Variants in PLEKHH2 observed in about 807,000 individuals in gnomAD.
PLEKHH2 encodes pleckstrin homology domain-containing family H member 2.
Under a neutral mutation model 187.9 loss-of-function variants are expected in PLEKHH2, and 129 were observed. The ratio of observed to expected loss-of-function variants is 0.69; its 90% CI spans 0.59 to 0.79. The LOEUF is 0.79. Ranked by LOEUF, PLEKHH2 falls within the 30% of genes least tolerant of loss-of-function variation. The pLI is 0.00. For missense variants in PLEKHH2, 2,076 were observed against 1,751.2 expected, an observed-to-expected ratio of 1.19 and a Z score of -3.31; for synonymous variants, 686 against 605.6, an observed-to-expected ratio of 1.13 and a Z score of -1.95.
intron 15 of PLEKHH2, among the ~76,000 whole-genome samples, chr2:43,718,314 C>G (rs914967232): frequency 6.6e-6 from 1 of 151,970 alleles, no homozygotes; most frequent in South Asian, 2.1e-4. Flanking sequence ...CCGAGGCGGG[C>G]AGATCACAAG....
intron 2 of PLEKHH2, among the ~76,000 whole-genome samples, chr2:43,660,418 G>T: frequency 6.7e-6 from 1 of 148,462 alleles, no homozygotes; most frequent in African/African-American, 2.5e-5. Context: ...ATAGGTCTAT[G>T]GTAAACATAT....
At chr2:43,718,232 G>A (rs921117437) in intron 15 of PLEKHH2, among the ~76,000 whole-genome samples, 1 of 152,078 alleles carries the variant, frequency 6.6e-6, no homozygotes, top group African/African-American at 2.4e-5. Context: ...TTTTTAAAGA[G>A]TAAGTCAGAG....
chr2:43,676,536 C>A (rs1225852078), intron 2 of PLEKHH2, among the ~76,000 whole-genome samples: 1 of 151,844 alleles, frequency 6.6e-6, no homozygotes, highest in African/African-American at 2.4e-5. Flanking sequence ...GAGAGGTATA[C>A]CAGGAGTTCT....
intron 10 of PLEKHH2, among the ~76,000 whole-genome samples, chr2:43,707,153 G>C (rs1572593738): frequency 7.7e-6 from 1 of 130,654 alleles, no homozygotes; most frequent in Non-Finnish European, 1.5e-5. Flanking sequence ...CCGAGATCAT[G>C]TCATTGCACT....
chr2:43,691,858 G>T (rs546130802), intron 3 of PLEKHH2, among the ~76,000 whole-genome samples: 7 of 152,238 alleles, frequency 4.6e-5, no homozygotes, highest in South Asian at 2.1e-4. Flanking sequence ...AGATTTGGGG[G>T]TCTAGTTTAT....
intron 2 of PLEKHH2, chr2:43,675,604 CT>C (rs748949122): frequency 1.2e-6 from 2 of 1,613,610 alleles, no homozygotes; most frequent in Non-Finnish European, 1.7e-6. Flanking sequence ...AAATACATCT[CT>C]TCCTTCATAA....
Position 43,765,915 on chromosome 2 carries a change from T to A in PLEKHH2, c.*317T>A, listed in dbSNP as rs1672604953. The stretch of plus-strand genomic sequence containing the variant: ...TGGCTTTTCTTTTCTTTTCTTTTTT[T>A]CCCCTTTTTAATATTCTGGCAATCT... On this transcript the variant is annotated 3_prime_UTR_variant, in exon 30 of 30. Coordinates refer to ENST00000282406, the MANE Select transcript of PLEKHH2 (RefSeq NM_172069.4). 1 of 234,492 alleles carries A rather than the reference T, an allele frequency of 4.3e-6. No homozygotes were observed. Among genetic ancestry groups the A allele is most frequent in the Non-Finnish European group, 8.2e-6 (1 of 122,410 alleles). 14.5% of individuals were successfully genotyped at this position (234,492 alleles called of 1,614,324 possible). A position where few individuals can be genotyped will look rare whatever the true frequency, so the allele number is the denominator to read the frequency against.
In PLEKHH2 at chr2:43,728,097, G is replaced by A. The variant is rs1236813078; in HGVS notation, c.2722-1540G>A. On this transcript the variant is annotated intron_variant, in intron 17 of 29. Transcript: ENST00000282406. ...AATAGAAATTAGTGTAAATGCTTTG[G>A]AAAGTACTTTGAAAATATGTTTCAA... Among the ~76,000 whole-genome samples the A allele has an allele frequency of 3.9e-5, 6 of 152,168 alleles. No individual in the cohort carries two copies. In the East Asian group the frequency reaches 1.2e-3, roughly 29 times the overall value.
At chr2:43,754,633 T>A (rs2104617635) in intron 25 of PLEKHH2, among the ~76,000 whole-genome samples, 1 of 152,248 alleles carries the variant, frequency 6.6e-6, no homozygotes, top group Admixed American at 6.5e-5. Context: ...ACCCATAGTC[T>A]CAACCACACC....
At chr2:43,670,081 A>AT (rs1186335785) in intron 2 of PLEKHH2, among the ~76,000 whole-genome samples, 1 of 152,146 alleles carries the variant, frequency 6.6e-6, no homozygotes, top group African/African-American at 2.4e-5. Context: ...TTCAAGGCAT[A>AT]TTTTTCATCA....
intron 19 of PLEKHH2, among the ~76,000 whole-genome samples, chr2:43,731,944 G>C (rs1671060090): frequency 6.6e-6 from 1 of 152,142 alleles, no homozygotes; most frequent in Non-Finnish European, 1.5e-5. Context: ...CTCCTCTCTA[G>C]TGTTACTCTC....
chr2:43,653,591 A>AG (rs1206085781), intron 2 of PLEKHH2, among the ~76,000 whole-genome samples: 1 of 152,228 alleles, frequency 6.6e-6, no homozygotes, highest in Non-Finnish European at 1.5e-5. Flanking sequence ...AGGAAACAAG[A>AG]GATTCTATAT....
At chr2:43,645,797 A>G (rs1178961330) in intron 2 of PLEKHH2, among the ~76,000 whole-genome samples, 1 of 152,128 alleles carries the variant, frequency 6.6e-6, no homozygotes, top group East Asian at 1.9e-4. Flanking sequence ...CACTGTCTGG[A>G]TGAATGGATG....
chr2:43,652,927 C>G (rs1009735090), intron 2 of PLEKHH2, among the ~76,000 whole-genome samples: 3 of 151,986 alleles, frequency 2.0e-5, no homozygotes, highest in Non-Finnish European at 4.4e-5. Flanking sequence ...TAAATAAGAG[C>G]TCTTAGAAAA....
intron 7 of PLEKHH2, among the ~76,000 whole-genome samples, chr2:43,698,636 C>T (rs910355003): frequency 2.0e-5 from 3 of 152,136 alleles, no homozygotes; most frequent in Admixed American, 2.0e-4. Flanking sequence ...ATTGCTTGTA[C>T]TGATGCTCTT....
At chr2:43,682,511 T>C (rs1371076482) in intron 3 of PLEKHH2, among the ~76,000 whole-genome samples, 5 of 152,134 alleles carry the variant, frequency 3.3e-5, no homozygotes, top group Admixed American at 2.0e-4. Flanking sequence ...TTCACCATGT[T>C]GGCCAGGCTG....
At chr2:43,704,678 A>AAAAAAAAAAAAAAAAAAAAAAAAAAT (rs1669561444) in intron 9 of PLEKHH2, among the ~76,000 whole-genome samples, 1 of 151,306 alleles carries the variant, frequency 6.6e-6, no homozygotes, top group African/African-American at 2.4e-5. Flanking sequence ...AAAAAAAAAA[A>AAAAAAAAAAAAAAAAAAAAAAAAAAT]AAAAAAAAGA....
rs1671625438 is a variant in PLEKHH2, at chr2:43,742,758, A to G, written c.3239A>G (p.Tyr1080Cys). 1 of 1,573,716 alleles carries G rather than the reference A, an allele frequency of 6.4e-7. No homozygotes were observed. The highest frequency in any genetic ancestry group is 8.6e-7 in the Non-Finnish European group (1 of 1,163,824). ...TATTACAGGACAGAATTTGGAAAAT[A>G]TGCCATTTACTGCCAGCGTTGTGTA... is the stretch of plus-strand genomic sequence containing the variant. ...NADSRTEFGK[Y>C]AIYCQRCVER... Residue 1080 changes from tyrosine (Y) to cysteine (C), a missense_variant, in exon 22 of 30, where the codon TAT (tyrosine) becomes TGT (cysteine). Coordinates refer to ENST00000282406, the MANE Select transcript of PLEKHH2 (RefSeq NM_172069.4).
At chr2:43,656,635 C>A (rs1299160338) in intron 2 of PLEKHH2, among the ~76,000 whole-genome samples, 6 of 152,224 alleles carry the variant, frequency 3.9e-5, no homozygotes, top group African/African-American at 1.4e-4. Flanking sequence ...AACTTAGCAG[C>A]TTTATTGATT....
Sources: gnomAD v4.1 joint callset for allele counts (sites outside exome capture counted in the v4.1 genomes callset) on GRCh38, gnomAD v4.1.1 for gene constraint, MANE v1.5 for transcripts, NCBI Gene and HGNC (gene_info 2026-07-23, HGNC 2026-07-21) for gene names.